Variants in ADCY2 observed in about 807,000 individuals in gnomAD.
ADCY2 encodes the protein adenylate cyclase type 2.
Under a neutral mutation model 125.2 loss-of-function variants are expected in ADCY2, and 31 were observed. The ratio of observed to expected loss-of-function variants is 0.25; its 90% CI spans 0.19 to 0.33. The LOEUF is 0.33. Among genes scored for constraint, ADCY2 ranks in the 10% least tolerant of loss-of-function variants. The probability of loss-of-function intolerance (pLI) is 1.00; values close to 1 mark genes in which losing one functional copy is unlikely to be tolerated. For synonymous variants in ADCY2, 512 were observed against 548.4 expected (o/e 0.93, Z 0.93); for missense variants, 904 against 1,418.2 (o/e 0.64, Z 5.82).
rs952877609 is a variant in ADCY2 at position 7,417,736 on chromosome 5, G to T, written c.408+2966G>T. Among the ~76,000 whole-genome samples the T allele has an allele frequency of 2.0e-5, 3 of 152,110 alleles. No homozygotes were observed. In the East Asian group the frequency reaches 5.8e-4, roughly 29 times the overall value. On this transcript the variant is annotated intron_variant, in intron 2 of 24. Transcript: ENST00000338316. ...CTCACCTTGCTTGAGTGTTTCCATG[G>T]CACTTAGGGCAACTTATAGAACCTT...
chr5:7,716,894 T>C (rs1741609326), intron 11 of ADCY2, among the ~76,000 whole-genome samples: 1 of 152,120 alleles, frequency 6.6e-6, no homozygotes, highest in Non-Finnish European at 1.5e-5. Flanking sequence ...GATAGCAGAA[T>C]AGGGTGACTG....
chr5:7,731,077 C>T lies in ADCY2; in HGVS notation c.1871+3816C>T, dbSNP rs992578594. 2.6e-5 allele frequency among the ~76,000 whole-genome samples: 4 copies of T among 152,006 alleles called. No homozygotes were observed. In the East Asian group the frequency reaches 7.7e-4, roughly 29 times the overall value. On this transcript the variant is annotated intron_variant, in intron 14 of 24. Transcript: ENST00000338316. ...GTGTTTTCATGTTTCCTGCCAGTTT[C>T]CACTTTTTATTTCTTTGGTCTGCAT...
intron 3 of ADCY2, among the ~76,000 whole-genome samples, chr5:7,621,911 G>A (rs979534468): frequency 5.9e-5 from 9 of 152,060 alleles, no homozygotes; most frequent in Non-Finnish European, 8.8e-5. Context: ...TCCAGACCCC[G>A]CGCATACTCA....
chr5:7,536,274 C>G (rs984921272), intron 3 of ADCY2, among the ~76,000 whole-genome samples: 44 of 152,200 alleles, frequency 2.9e-4, no homozygotes, highest in African/African-American at 1.0e-3. Flanking sequence ...TGGGGGTGCC[C>G]CCAGTGGAAC....
chr5:7,673,681 C>G (rs1740016944), intron 4 of ADCY2, among the ~76,000 whole-genome samples: 1 of 152,116 alleles, frequency 6.6e-6, no homozygotes, highest in African/African-American at 2.4e-5. Context: ...GAAGTTGTCC[C>G]TGGTTGCAAC....
chr5:7,448,263 A>G (rs2126414700), intron 2 of ADCY2, among the ~76,000 whole-genome samples: 1 of 152,262 alleles, frequency 6.6e-6, no homozygotes, highest in African/African-American at 2.4e-5. Flanking sequence ...TTATCAGGAG[A>G]ATACATTAAA....
chr5:7,546,382 G>A (rs376841078), intron 3 of ADCY2, among the ~76,000 whole-genome samples: 78 of 152,292 alleles, frequency 5.1e-4, no homozygotes, highest in South Asian at 3.3e-3. Context: ...TGTTTGACAC[G>A]TTCTGTTCTG....
rs1428527 is a variant in ADCY2, at chr5:7,655,466, A to G, written c.720+29150A>G. 4.1e-3 allele frequency among the ~76,000 whole-genome samples: 622 copies of G among 152,268 alleles called. 3 individuals are homozygous for G. The highest frequency in any genetic ancestry group is 0.014 in the African/African-American group (599 of 41,582). On this transcript the variant is annotated intron_variant, in intron 4 of 24. Transcript: ENST00000338316. Reference sequence around the variant, plus strand: ...CGTCCAGGATGTAAAATCCCAGCTCACGAGAAAAAGACTGACGTTCCAGCT... The same window carrying G: ...CGTCCAGGATGTAAAATCCCAGCTCGCGAGAAAAAGACTGACGTTCCAGCT...
intron 3 of ADCY2, among the ~76,000 whole-genome samples, chr5:7,557,921 G>A (rs1244236188): frequency 2.6e-5 from 4 of 152,184 alleles, no homozygotes; most frequent in Admixed American, 2.6e-4. Flanking sequence ...TGGTATGTCT[G>A]TATTTAGGTC....
intron 20 of ADCY2, among the ~76,000 whole-genome samples, chr5:7,791,332 G>C (rs1207442977): frequency 6.6e-6 from 1 of 152,096 alleles, no homozygotes; most frequent in African/African-American, 2.4e-5. Context: ...GTCACCTGTA[G>C]ATGGATGAAC....
intron 2 of ADCY2, 54 bp from the exon 3 acceptor site, chr5:7,520,684 T>C: frequency 6.2e-7 from 1 of 1,600,222 alleles, no homozygotes; most frequent in Non-Finnish European, 8.5e-7. Context: ...AACAGGAGGC[T>C]CTTAGAAACC....
intron 24 of ADCY2, among the ~76,000 whole-genome samples, chr5:7,825,838 G>A (rs1475061980): frequency 3.9e-5 from 6 of 152,206 alleles, no homozygotes; most frequent in African/African-American, 1.4e-4. Context: ...CGCAGCACAC[G>A]CAGAAGCTCA....
intron 3 of ADCY2, among the ~76,000 whole-genome samples, chr5:7,590,774 T>C (rs1255752369): frequency 6.6e-6 from 1 of 152,216 alleles, no homozygotes; most frequent in Non-Finnish European, 1.5e-5. Context: ...TAAATGTGGT[T>C]ATGTGTAATA....
intron 4 of ADCY2, among the ~76,000 whole-genome samples, chr5:7,675,248 T>C (rs1740085282): frequency 6.6e-6 from 1 of 152,176 alleles, no homozygotes; most frequent in South Asian, 2.1e-4. Flanking sequence ...ATCGTTTTAA[T>C]ATGACACTAA....
intron 16 of ADCY2, among the ~76,000 whole-genome samples, chr5:7,763,648 C>G (rs2126469670): frequency 6.6e-6 from 1 of 152,272 alleles, no homozygotes; most frequent in South Asian, 2.1e-4. Flanking sequence ...ATTCTAGGGA[C>G]CTCACATGAG....
intron 4 of ADCY2, among the ~76,000 whole-genome samples, chr5:7,674,984 T>C (rs1160567607): frequency 6.6e-6 from 1 of 151,906 alleles, no homozygotes; most frequent in Non-Finnish European, 1.5e-5. Flanking sequence ...TGAAACTCCG[T>C]CTCTACTAAA....
intron 3 of ADCY2, among the ~76,000 whole-genome samples, chr5:7,540,002 A>G (rs1274697913): frequency 8.6e-5 from 13 of 152,004 alleles, no homozygotes; most frequent in Non-Finnish European, 1.5e-5. Flanking sequence ...TTCCAAAACA[A>G]CTCTTTCTCT....
intron 24 of ADCY2, among the ~76,000 whole-genome samples, chr5:7,826,068 T>G (rs746468466): frequency 1.3e-5 from 2 of 152,166 alleles, no homozygotes; most frequent in Non-Finnish European, 2.9e-5. Context: ...GAGGAGACCT[T>G]TGAGACTTGA....
chr5:7,478,116 C>T (rs1209751683), intron 2 of ADCY2, among the ~76,000 whole-genome samples: 2 of 152,122 alleles, frequency 1.3e-5, no homozygotes, highest in Non-Finnish European at 2.9e-5. Flanking sequence ...TTATCAATAT[C>T]GCAGACTCAG....
Sources: allele counts gnomAD v4.1 joint callset (sites outside exome capture counted in the v4.1 genomes callset), GRCh38; gene constraint gnomAD v4.1.1; transcripts MANE v1.5; gene names NCBI Gene and HGNC (gene_info 2026-07-23, HGNC 2026-07-21).